Variants in PAPSS1 observed in about 807,000 individuals in gnomAD.
The protein encoded by PAPSS1 is 3'-phosphoadenosine 5'-phosphosulfate synthase 1.
Under a neutral mutation model 72.0 loss-of-function variants are expected in PAPSS1, and 50 were observed. The ratio of observed to expected loss-of-function variants is 0.69; its 90% confidence interval spans 0.55 to 0.88. PAPSS1 has a LOEUF of 0.88. Ranked by LOEUF, PAPSS1 falls within the 40% of genes least tolerant of loss-of-function variation. The pLI, the probability that PAPSS1 is intolerant of heterozygous loss-of-function variation, is 0.00. For synonymous variants in PAPSS1, 261 were observed against 263.6 expected (o/e 0.99, Z 0.09); for missense variants, 657 against 782.2 (o/e 0.84, Z 1.91).
At chr4:107,664,793 A>G (rs778104498) in intron 5 of PAPSS1, among the ~76,000 whole-genome samples, 39 of 152,366 alleles carry the variant, frequency 2.6e-4, no homozygotes, top group Non-Finnish European at 4.7e-4. Flanking sequence ...TAATAAAGTT[A>G]TTCATAATTG....
At chr4:107,682,437 C>G (rs1466252647) in intron 4 of PAPSS1, among the ~76,000 whole-genome samples, 1 of 152,146 alleles carries the variant, frequency 6.6e-6, no homozygotes. Flanking sequence ...AGGCAAAGTG[C>G]TGCCTTGTTT....
At chr4:107,615,798 C>A (rs1725804972) in intron 11 of PAPSS1, among the ~76,000 whole-genome samples, 1 of 152,058 alleles carries the variant, frequency 6.6e-6, no homozygotes, top group Non-Finnish European at 1.5e-5. Flanking sequence ...TAAATGAGGC[C>A]AAAAGGGTGG....
chr4:107,714,015 A>T (rs1161658124), intron 1 of PAPSS1, among the ~76,000 whole-genome samples: 1 of 152,146 alleles, frequency 6.6e-6, no homozygotes, highest in East Asian at 1.9e-4. Flanking sequence ...CTCCTTGATC[A>T]AACTAGGCAG....
chr4:107,620,166 C>A (rs932437514), intron 11 of PAPSS1, among the ~76,000 whole-genome samples: 10 of 152,310 alleles, frequency 6.6e-5, no homozygotes, highest in African/African-American at 1.9e-4. Context: ...AAAGTGCTAA[C>A]TAGGCAACAA....
intron 10 of PAPSS1, among the ~76,000 whole-genome samples, chr4:107,634,473 T>C (rs1273536906): frequency 6.6e-6 from 1 of 152,216 alleles, no homozygotes; most frequent in Non-Finnish European, 1.5e-5. Context: ...GAAGTAATAT[T>C]AATTTACATT....
chr4:107,621,274 A>G (rs1325361220), intron 11 of PAPSS1, among the ~76,000 whole-genome samples: 1 of 152,192 alleles, frequency 6.6e-6, no homozygotes, highest in East Asian at 1.9e-4. Flanking sequence ...AAATGATAAC[A>G]AAGAACTTCT....
intron 5 of PAPSS1, among the ~76,000 whole-genome samples, chr4:107,673,204 G>C (rs1329073893): frequency 6.6e-6 from 1 of 152,190 alleles, no homozygotes; most frequent in Non-Finnish European, 1.5e-5. Flanking sequence ...GAACAAAGCT[G>C]GACGGAGAAT....
intron 5 of PAPSS1, among the ~76,000 whole-genome samples, chr4:107,669,201 T>C (rs1208814346): frequency 3.3e-5 from 5 of 152,182 alleles, no homozygotes; most frequent in Non-Finnish European, 4.4e-5. Context: ...GCAAGTCACT[T>C]TGCAATGAAG....
At position 107,660,053 on chromosome 4, in the gene PAPSS1, G is replaced by T; in HGVS notation, c.689C>A (p.Ala230Glu). The change falls in exon 6 of 12, where the codon GCA becomes GAA. Residue 230 changes from alanine to glutamate, a missense_variant. Around this residue, in one of 7 missense-constraint regions of PAPSS1, gnomAD observed 190 missense variants for 176.7 expected, o/e 1.07. Transcript: ENST00000265174. ...LQERDIVPVD[A>E]SYEVKELYVP... ...ATATAGTTCTTTTACTTCATAAGATGCATCCACAGGTACAATATCCTATAT... is the reference window on the plus strand; with the variant it reads ...ATATAGTTCTTTTACTTCATAAGATTCATCCACAGGTACAATATCCTATAT... 6.4e-7 allele frequency: 1 copy of T among 1,570,372 alleles called. No homozygotes were observed. Among genetic ancestry groups the T allele is most frequent in the Non-Finnish European group, 8.7e-7 (1 of 1,145,452 alleles).
chr4:107,642,217 A>G (rs1726564912), intron 10 of PAPSS1, among the ~76,000 whole-genome samples: 1 of 152,168 alleles, frequency 6.6e-6, no homozygotes, highest in Non-Finnish European at 1.5e-5. Flanking sequence ...ATAAGAATTT[A>G]TTTCTAGTAT....
chr4:107,708,516 G>C (rs1003397123), intron 1 of PAPSS1, among the ~76,000 whole-genome samples: 2 of 152,164 alleles, frequency 1.3e-5, no homozygotes, highest in Admixed American at 6.5e-5. Context: ...TATATCTAAT[G>C]AATTTTAATT....
chr4:107,659,978 G>A lies in PAPSS1; in HGVS notation c.764C>T (p.Pro255Leu), dbSNP rs2110322766. ...HLAKTDAETLPALKINKVDMQ... is the reference protein window; with the variant it reads ...HLAKTDAETLLALKINKVDMQ... ...ACTTACTTTATTAATTTTCAGTGCT[G>A]GTAATGTTTCCGCATCTGTTTTTGC... Residue 255 changes from proline to leucine, a missense_variant, in exon 6 of 12, where the codon CCA becomes CTA. By Grantham distance (98) the Pro-to-Leu change is moderately conservative. Around this residue, in one of 7 missense-constraint regions of PAPSS1, gnomAD observed 190 missense variants for 176.7 expected, o/e 1.07. Transcript: ENST00000265174. 3 of 1,594,676 alleles carry A rather than the reference G, an allele frequency of 1.9e-6. No individual in the cohort carries two copies. The highest frequency in any genetic ancestry group is 1.7e-5 in the Admixed American group (1 of 59,352).
Position 107,687,094 on chromosome 4 carries a change from AC to A in PAPSS1, c.494del (p.Cys165LeufsTer38), listed in dbSNP as rs746624844. The A allele has an allele frequency of 8.7e-5, 140 of 1,605,296 alleles. No homozygotes were observed. The highest frequency in any genetic ancestry group is 1.2e-4 in the Non-Finnish European group (136 of 1,176,904). ...EVFVDAPLHVCEQRDVKGLYK... is the reference protein window; with the variant it reads ...EVFVDAPLHVXEQRDVKGLYK... ...AGAGTCCTTTGACATCCCTCTGTTCACAAACATGCAGAGGAGCATCAACAAA... is the reference window on the plus strand; with the variant it reads ...AGAGTCCTTTGACATCCCTCTGTTCAAAACATGCAGAGGAGCATCAACAAA... On this transcript the variant is annotated frameshift_variant, in exon 4 of 12. Coordinates refer to ENST00000265174, the MANE Select transcript of PAPSS1 (RefSeq NM_005443.5). LOFTEE classifies it high-confidence loss of function.
chr4:107,681,329 G>A (rs1325548082), intron 5 of PAPSS1, among the ~76,000 whole-genome samples: 1 of 152,172 alleles, frequency 6.6e-6, no homozygotes. Flanking sequence ...CACCCACATA[G>A]AGGCCAGATC....
At chr4:107,704,151 A>G (rs1052868279) in intron 1 of PAPSS1, among the ~76,000 whole-genome samples, 1 of 152,202 alleles carries the variant, frequency 6.6e-6, no homozygotes, top group Non-Finnish European at 1.5e-5. Context: ...AGGTACTTCA[A>G]TGTTAGAATA....
chr4:107,661,633 C>A (rs147553787), intron 5 of PAPSS1, among the ~76,000 whole-genome samples: 2 of 152,208 alleles, frequency 1.3e-5, no homozygotes, highest in African/African-American at 4.8e-5. Context: ...TGCTGTGAAT[C>A]TGAAACTTCT....
chr4:107,662,945 C>A (rs1283167055), intron 5 of PAPSS1, among the ~76,000 whole-genome samples: 1 of 152,164 alleles, frequency 6.6e-6, no homozygotes, highest in Non-Finnish European at 1.5e-5. Context: ...ACTACACATA[C>A]ATTTTGTATG....
At chr4:107,719,963 C>A (rs2522435) in intron 1 of PAPSS1, 157 bp downstream of exon 1, 1,253,231 of 1,415,476 alleles carry the variant, frequency 0.89, 563,667 homozygotes, top group South Asian at 0.94. Flanking sequence ...TCGCAACCAC[C>A]CACGGCCCCA....
chr4:107,682,988 T>C (rs377420614), intron 4 of PAPSS1, among the ~76,000 whole-genome samples: 1 of 152,214 alleles, frequency 6.6e-6, no homozygotes, highest in Non-Finnish European at 1.5e-5. Flanking sequence ...GTATATGTGT[T>C]ACCATATAAC....
Sources: gnomAD v4.1 joint callset for allele counts (sites outside exome capture counted in the v4.1 genomes callset) on GRCh38, gnomAD v4.1.1 for gene constraint, gnomAD v4.1.1 regional missense constraint, MANE v1.5 for transcripts, NCBI Gene and HGNC (gene_info 2026-07-23, HGNC 2026-07-21) for gene names.